The following UNC5C variants were observed in gnomAD, a reference collection of about 807,000 sequenced individuals.
UNC5C encodes the protein netrin receptor UNC5C.
A neutral mutation model predicts 99.8 loss-of-function variants in UNC5C; 47 were observed. The ratio of observed to expected loss-of-function variants is 0.47; its 90% confidence interval spans 0.37 to 0.60. UNC5C has a LOEUF of 0.60. Ranked by LOEUF, UNC5C falls within the 20% of genes least tolerant of loss-of-function variation. The probability of loss-of-function intolerance (pLI) is 0.00; values close to 1 mark genes in which losing one functional copy is unlikely to be tolerated. For synonymous variants in UNC5C, 487 were observed against 452.2 expected, an observed-to-expected ratio of 1.08 and a Z score of -0.98; for missense variants, 1,062 against 1,165.9, an observed-to-expected ratio of 0.91 and a Z score of 1.30.
At chr4:95,282,819 A>G (rs558556381) in intron 3 of UNC5C, among the ~76,000 whole-genome samples, 1 of 152,230 alleles carries the variant, frequency 6.6e-6, no homozygotes, top group East Asian at 1.9e-4. Context: ...TAAATTTTTT[A>G]TGGTCACTTT....
intron 1 of UNC5C, among the ~76,000 whole-genome samples, chr4:95,423,843 A>G (rs1746387743): frequency 6.6e-6 from 1 of 152,196 alleles, no homozygotes; most frequent in Admixed American, 6.5e-5. Flanking sequence ...ACACTGGGGT[A>G]AACGTTCTCG....
chr4:95,389,189 C>G (rs536244184), intron 1 of UNC5C, among the ~76,000 whole-genome samples: 1 of 152,232 alleles, frequency 6.6e-6, no homozygotes, highest in South Asian at 2.1e-4. Flanking sequence ...GTTATACAAA[C>G]CCACAAAACA....
chr4:95,377,270 GCTGTCCAA>G (rs1201553415), intron 1 of UNC5C, among the ~76,000 whole-genome samples: 2 of 152,114 alleles, frequency 1.3e-5, no homozygotes, highest in African/African-American at 4.8e-5. Flanking sequence ...GATAAAAAGA[GCTGTCCAA>G]CTGTTCAACA....
At chr4:95,371,706 A>G (rs1310979553) in intron 1 of UNC5C, among the ~76,000 whole-genome samples, 1 of 152,192 alleles carries the variant, frequency 6.6e-6, no homozygotes, top group Non-Finnish European at 1.5e-5. Context: ...CACCAGGGCT[A>G]CGTAAGTGTT....
chr4:95,505,405 A>G (rs1721889979), intron 1 of UNC5C, among the ~76,000 whole-genome samples: 1 of 152,134 alleles, frequency 6.6e-6, no homozygotes, highest in Non-Finnish European at 1.5e-5. Context: ...CAAAGCCTGC[A>G]TTGTTATAAC....
intron 3 of UNC5C, among the ~76,000 whole-genome samples, chr4:95,283,330 C>G (rs1167064962): frequency 3.9e-5 from 6 of 152,154 alleles, no homozygotes; most frequent in African/African-American, 1.4e-4. Flanking sequence ...GCTTTAAGCT[C>G]TATGTAAATT....
At chr4:95,540,233 A>G (rs1722883608) in intron 1 of UNC5C, among the ~76,000 whole-genome samples, 1 of 152,210 alleles carries the variant, frequency 6.6e-6, no homozygotes, top group African/African-American at 2.4e-5. Flanking sequence ...ATTAATTGAA[A>G]TAAGTGCAAA....
chr4:95,380,413 A>AT (rs1486558778), intron 1 of UNC5C, among the ~76,000 whole-genome samples: 2 of 148,172 alleles, frequency 1.3e-5, no homozygotes, highest in Non-Finnish European at 3.0e-5. Context: ...ACAAATTGCT[A>AT]TTTTTCCTCA....
intron 1 of UNC5C, among the ~76,000 whole-genome samples, chr4:95,425,700 C>T (rs950446344): frequency 4.6e-5 from 7 of 152,126 alleles, no homozygotes; most frequent in Admixed American, 2.0e-4. Flanking sequence ...AAACATAAAG[C>T]GTATAATTTG....
intron 3 of UNC5C, among the ~76,000 whole-genome samples, chr4:95,289,905 G>C (rs1302270285): frequency 6.6e-6 from 1 of 152,002 alleles, no homozygotes; most frequent in African/African-American, 2.4e-5. Context: ...TTCTTTTCCA[G>C]GAATAGAGTA....
chr4:95,303,381 A>G (rs1741944604), intron 2 of UNC5C, among the ~76,000 whole-genome samples: 1 of 151,720 alleles, frequency 6.6e-6, no homozygotes, highest in South Asian at 2.1e-4. Flanking sequence ...CAATGTTTAT[A>G]ATTCTCAGTT....
intron 1 of UNC5C, among the ~76,000 whole-genome samples, chr4:95,415,108 AC>A (rs375810186): frequency 3.3e-5 from 5 of 152,076 alleles, no homozygotes; most frequent in African/African-American, 1.2e-4. Context: ...CAGAGCTGTC[AC>A]AGACTCCTTT....
At chr4:95,178,986 T>TATTA (rs1245088591) in intron 14 of UNC5C, among the ~76,000 whole-genome samples, 1 of 152,230 alleles carries the variant, frequency 6.6e-6, no homozygotes, top group Non-Finnish European at 1.5e-5. Flanking sequence ...TTTTAGTTGC[T>TATTA]ATTAGTTCTT....
At chr4:95,198,369 CAGAAAG>C (rs1375573962) in intron 12 of UNC5C, among the ~76,000 whole-genome samples, 2 of 152,094 alleles carry the variant, frequency 1.3e-5, no homozygotes, top group African/African-American at 2.4e-5. Context: ...TGGTTGTAGT[CAGAAAG>C]GGGGAGTCTG....
Position 95,301,694 on chromosome 4 carries a change from G to T in UNC5C, c.402C>A (p.Leu134=). 1 of 1,613,556 alleles carries T rather than the reference G, an allele frequency of 6.2e-7. No individual in the cohort carries two copies. The highest frequency in any genetic ancestry group is 8.5e-7 in the Non-Finnish European group (1 of 1,180,034). ...IEISRQQVEE[L]FGPEDYWCQC... ...GGCACCAGTAATCTTCAGGTCCAAA[G>T]AGTTCTTCCACTTGCTGGCGCGAAA... is the stretch of plus-strand genomic sequence containing the variant. Residue 134 remains leucine (L), a synonymous_variant, in exon 3 of 16, where the codon CTC becomes CTA. Transcript: ENST00000453304.
intron 1 of UNC5C, among the ~76,000 whole-genome samples, chr4:95,481,849 A>G (rs1451348216): frequency 6.6e-6 from 1 of 152,096 alleles, no homozygotes; most frequent in Admixed American, 6.6e-5. Flanking sequence ...ATCTTATACA[A>G]AAATTAATTC....
At chr4:95,508,825 A>G (rs574650050) in intron 1 of UNC5C, among the ~76,000 whole-genome samples, 2 of 152,106 alleles carry the variant, frequency 1.3e-5, no homozygotes, top group South Asian at 4.1e-4. Flanking sequence ...GTCCTACAGT[A>G]AAGAATATTT....
intron 1 of UNC5C, among the ~76,000 whole-genome samples, chr4:95,413,375 C>G (rs1480943873): frequency 1.3e-5 from 2 of 152,140 alleles, no homozygotes; most frequent in African/African-American, 4.8e-5. Context: ...GCCTTGCTTT[C>G]TCAAGGCCCA....
chr4:95,256,142 G>A (rs913138911), intron 4 of UNC5C, among the ~76,000 whole-genome samples: 5 of 152,026 alleles, frequency 3.3e-5, no homozygotes, highest in Middle Eastern at 3.4e-3. Context: ...CCTGTGGCTC[G>A]GTCCTTGGAA....
Sources: allele counts gnomAD v4.1 joint callset (sites outside exome capture counted in the v4.1 genomes callset), GRCh38; gene constraint gnomAD v4.1.1; transcripts MANE v1.5; gene names NCBI Gene and HGNC (gene_info 2026-07-23, HGNC 2026-07-21).